Variants in TNRC6C observed in about 807,000 individuals in gnomAD.
TNRC6C encodes trinucleotide repeat-containing gene 6C protein.
Under a neutral mutation model 153.7 loss-of-function variants are expected in TNRC6C, and 20 were observed. The ratio of observed to expected loss-of-function variants is 0.13; its 90% CI spans 0.09 to 0.19. TNRC6C has a LOEUF of 0.19. TNRC6C is among the 10% of genes least tolerant of loss of function. The pLI, the probability that TNRC6C is intolerant of heterozygous loss-of-function variation, is 1.00. For synonymous variants in TNRC6C, 811 were observed against 841.4 expected, an observed-to-expected ratio of 0.96 and a Z score of 0.63; for missense variants, 1,987 against 2,172.0, an observed-to-expected ratio of 0.91 and a Z score of 1.69.
rs975612105 is a variant in TNRC6C, at chr17:77,965,652, G to C, written c.-38+6384G>C. ...CTGCCCTCCTGGAGCTGTCTTACTA[G>C]TATAGTGAGAGAAATGGGCACCAAA... On this transcript the variant is annotated intron_variant, in intron 1 of 22. Coordinates refer to the TNRC6C transcript ENST00000636222. Among the ~76,000 whole-genome samples, 6 of 152,156 alleles carry C rather than the reference G, an allele frequency of 3.9e-5. No homozygotes were observed. In the South Asian group the frequency reaches 1.2e-3, roughly 32 times the overall value.
At chr17:78,107,467 A>G (rs2073721327) in exon 20 of TNRC6C, 1 of 152,178 alleles carries the variant, frequency 6.6e-6, no homozygotes, top group South Asian at 2.1e-4. Context: ...GTTCAAAGTA[A>G]TGTGTTTTTC....
At position 78,049,681 on chromosome 17, in the gene TNRC6C, A is replaced by G; in HGVS notation, c.619A>G (p.Asn207Asp). 2 of 1,610,474 alleles carry G rather than the reference A, an allele frequency of 1.2e-6. No homozygotes were observed. The highest frequency in any genetic ancestry group is 1.7e-6 in the Non-Finnish European group (2 of 1,177,104). The change falls in exon 3 of 20, where the codon AAC becomes GAC. Residue 207 changes from asparagine (N) to aspartate (D), a missense_variant. Coordinates refer to ENST00000301624, the Ensembl canonical transcript of TNRC6C. The surrounding 1 kb of genome is among the most constrained non-coding windows in gnomAD (Gnocchi z 4.1). ...TGCAATGCAGACAAATGGACTGCCAAACTGGGGCATGGCTGTTGGTATGGG... is the reference window on the plus strand; with the variant it reads ...TGCAATGCAGACAAATGGACTGCCAGACTGGGGCATGGCTGTTGGTATGGG...
chr17:78,022,872 G>A (rs2071861739), intron 1 of TNRC6C, among the ~76,000 whole-genome samples: 1 of 152,230 alleles, frequency 6.6e-6, no homozygotes, highest in South Asian at 2.1e-4. Flanking sequence ...CTGATGCAGT[G>A]CATGTACTGT....
intron 13 of TNRC6C, 86 bp from the exon 16 acceptor site, chr17:78,091,354 G>T: frequency 7.4e-7 from 1 of 1,345,636 alleles, no homozygotes; most frequent in Non-Finnish European, 9.7e-7. Flanking sequence ...TGCTGTAAGC[G>T]AAGACTGAAA....
intron 3 of TNRC6C, among the ~76,000 whole-genome samples, chr17:78,052,527 G>T (rs138882876): frequency 2.0e-5 from 3 of 152,356 alleles, no homozygotes; most frequent in Admixed American, 2.0e-4. Flanking sequence ...CAGTGATGGT[G>T]CAGGGAGGAA....
At chr17:77,960,009 C>T (rs974301683) in intron 1 of TNRC6C, among the ~76,000 whole-genome samples, 4 of 152,052 alleles carry the variant, frequency 2.6e-5, no homozygotes, top group African/African-American at 9.7e-5. Context: ...TTACACGGAG[C>T]TTTGGGGATC....
chr17:77,964,079 T>C (rs2070880222), intron 1 of TNRC6C, among the ~76,000 whole-genome samples: 1 of 152,204 alleles, frequency 6.6e-6, no homozygotes, highest in Non-Finnish European at 1.5e-5. Context: ...TTCCAGATAT[T>C]TTGTGGGATG....
intron 2 of TNRC6C, among the ~76,000 whole-genome samples, chr17:78,038,548 G>T (rs1027319859): frequency 6.6e-6 from 1 of 151,708 alleles, no homozygotes; most frequent in Non-Finnish European, 1.5e-5. Flanking sequence ...GCGTGGTGGC[G>T]GGCGCCTGTA....
rs928953471 is a variant in TNRC6C, at chr17:78,075,905, A to G, written c.3060+627A>G. On this transcript the variant is annotated intron_variant, in intron 8 of 19. Coordinates refer to ENST00000301624, the Ensembl canonical transcript of TNRC6C. This position sits in a 1 kb window ranked among gnomAD's most constrained non-coding sequence, Gnocchi z 4.2. ...ATAAAATTGAAGTAAGGAAGGACAC[A>G]TTAAAAAAAAAAGATCAACAATGGA... Among the ~76,000 whole-genome samples the G allele has an allele frequency of 6.6e-6, 1 of 152,034 alleles. No individual in the cohort carries two copies. The highest frequency in any genetic ancestry group is 1.5e-5 in the Non-Finnish European group (1 of 68,002).
chr17:78,091,480 G>C, exon 14 of TNRC6C: 1 of 1,607,610 alleles, frequency 6.2e-7, no homozygotes, highest in Non-Finnish European at 8.5e-7. Context: ...GCATGGACAT[G>C]ACCGGTGGCT....
intron 1 of TNRC6C, among the ~76,000 whole-genome samples, chr17:77,988,125 G>A (rs1177211468): frequency 6.6e-6 from 1 of 152,166 alleles, no homozygotes; most frequent in Non-Finnish European, 1.5e-5. Context: ...GCCAAGGCAG[G>A]AGGATTGCTT....
intron 1 of TNRC6C, among the ~76,000 whole-genome samples, chr17:77,960,827 C>T (rs2070855882): frequency 6.6e-6 from 1 of 152,008 alleles, no homozygotes; most frequent in Non-Finnish European, 1.5e-5. Flanking sequence ...GTTCAGTTGT[C>T]GGAATTAATT....
At chr17:77,989,415 ACT>A (rs1450036913) in intron 1 of TNRC6C, among the ~76,000 whole-genome samples, 3 of 152,060 alleles carry the variant, frequency 2.0e-5, no homozygotes, top group Non-Finnish European at 2.9e-5. Context: ...GTTTCTGGAA[ACT>A]CTGAAAAGCA....
intron 13 of TNRC6C, among the ~76,000 whole-genome samples, chr17:78,091,112 T>G (rs903542991): frequency 2.6e-5 from 4 of 152,208 alleles, no homozygotes; most frequent in African/African-American, 9.7e-5. Flanking sequence ...TTCACCTTAA[T>G]TTAGGAATAA....
Position 78,084,275 on chromosome 17 carries a change from G to A in TNRC6C, c.3477+1109G>A, listed in dbSNP as rs146181542. On this transcript the variant is annotated intron_variant, in intron 11 of 19. Transcript: ENST00000301624. ...AGCCTGGGCGACAGAGCAAGACTCC[G>A]TCTCAAGAAAAAAAAAAAAGAAAAT... Among the ~76,000 whole-genome samples the A allele has an allele frequency of 2.4e-4, 32 of 134,814 alleles. No homozygotes were observed. In the East Asian group the frequency reaches 3.2e-3, roughly 14 times the overall value. 88.4% of individuals were successfully genotyped at this position (134,814 alleles called of 152,430 possible).
chr17:78,030,970 G>C (rs1261850904), intron 1 of TNRC6C, among the ~76,000 whole-genome samples: 1 of 152,044 alleles, frequency 6.6e-6, no homozygotes, highest in African/African-American at 2.4e-5. Context: ...TTGGTGGCCT[G>C]CGCCTGTAAT....
At chr17:78,062,103 A>T (rs74665885) in intron 3 of TNRC6C, among the ~76,000 whole-genome samples, 2,315 of 152,306 alleles carry the variant, frequency 0.015, 73 homozygotes, top group African/African-American at 0.053. Context: ...AGCTATGTTA[A>T]CGTCTCTGAT....
chr17:78,048,768 C>T, intron 2 of TNRC6C, 77 bp from the exon 5 acceptor site: 2 of 1,211,972 alleles, frequency 1.7e-6, no homozygotes, highest in Non-Finnish European at 2.1e-6. Flanking sequence ...AAGAGCTTCC[C>T]CAAAGACTAG....
At chr17:78,101,303 C>T (rs1364979340) in intron 17 of TNRC6C, among the ~76,000 whole-genome samples, 1 of 152,248 alleles carries the variant, frequency 6.6e-6, no homozygotes, top group Admixed American at 6.5e-5. Flanking sequence ...CAACAAGTTC[C>T]TCATTTCCAT....
Sources: gnomAD v4.1 joint callset for allele counts (sites outside exome capture counted in the v4.1 genomes callset) on GRCh38, gnomAD v4.1.1 for gene constraint, Gnocchi (gnomAD v3.1) non-coding constraint, MANE v1.5 for transcripts, NCBI Gene and HGNC (gene_info 2026-07-23, HGNC 2026-07-21) for gene names.